The following DSC3 variants were observed in gnomAD, a reference collection of about 807,000 sequenced individuals.
The protein encoded by DSC3 is desmocollin 3, also known as desmocollin-3.
A neutral mutation model predicts 89.5 loss-of-function variants in DSC3; 97 were observed. The ratio of observed to expected loss-of-function variants is 1.08; its 90% CI spans 0.92 to 1.28. DSC3 has a LOEUF of 1.28. Among genes scored for constraint, DSC3 ranks in the 50% most tolerant of loss-of-function variants. The probability of loss-of-function intolerance (pLI) is 0.00; values close to 1 mark genes in which losing one functional copy is unlikely to be tolerated. For synonymous variants in DSC3, 436 were observed against 384.1 expected (o/e 1.14, Z -1.58); for missense variants, 1,199 against 1,085.3 (o/e 1.10, Z -1.47).
chr18:31,036,560 A>C (rs537697170), intron 1 of DSC3, among the ~76,000 whole-genome samples: 2 of 151,784 alleles, frequency 1.3e-5, no homozygotes, highest in Admixed American at 1.3e-4. Flanking sequence ...CCCATTGCTC[A>C]ATCTTTTTTT....
intron 14 of DSC3, among the ~76,000 whole-genome samples, chr18:30,999,833 A>C (rs1299843844): frequency 6.6e-6 from 1 of 152,176 alleles, no homozygotes; most frequent in Non-Finnish European, 1.5e-5. Flanking sequence ...ATTCAAGATG[A>C]AATTTTATGT....
chr18:31,011,966 C>A (rs77683013), intron 9 of DSC3, among the ~76,000 whole-genome samples: 2 of 72,178 alleles, frequency 2.8e-5, no homozygotes, highest in Non-Finnish European at 5.1e-5. Flanking sequence ...AGTACTCCAT[C>A]TCCAAAAAAA....
Position 31,004,381 on chromosome 18 carries a change from AAGAAG to A in DSC3, c.1889-20_1889-16del. ...GGCAGCTGTATCTGAAAGAAAATAA[AAGAAG>A]TTTATTTTTTAATGATCATTTATTC... On this transcript the variant is annotated splice_polypyrimidine_tract_variant and intron_variant, in intron 12 of 15. Transcript: ENST00000360428. The A allele has an allele frequency of 6.2e-7, 1 of 1,606,846 alleles. No individual in the cohort carries two copies. Among genetic ancestry groups the A allele is most frequent in the Non-Finnish European group, 8.5e-7 (1 of 1,174,394 alleles).
chr18:31,015,904 C>T (rs1485078976), intron 9 of DSC3, among the ~76,000 whole-genome samples: 3 of 152,138 alleles, frequency 2.0e-5, no homozygotes, highest in African/African-American at 7.2e-5. Context: ...AAAACAGAAT[C>T]TCATCGAAAC....
In DSC3 at chr18:31,008,436, T is replaced by G; in HGVS notation, c.1353A>C (p.Thr451=). The G allele has an allele frequency of 6.2e-7, 1 of 1,614,210 alleles. No homozygotes were observed. The highest frequency in any genetic ancestry group is 8.5e-7 in the Non-Finnish European group (1 of 1,180,028). ...APFARDIPRV[T]ALNRALVTVH... is the part of the protein sequence containing the mutation. The stretch of plus-strand genomic sequence containing the variant: ...CTGTAACCAAGGCTCTGTTCAAGGC[T>G]GTCACTCTGGGAATATCTCTAGCAA... Residue 451 remains threonine, a synonymous_variant, in exon 10 of 16, where the codon ACA becomes ACC. Transcript: ENST00000360428.
intron 8 of DSC3, 118 bp downstream of exon 8, chr18:31,018,548 C>A: frequency 8.7e-7 from 1 of 1,154,238 alleles, no homozygotes; most frequent in South Asian, 1.4e-5. Flanking sequence ...TAATTTTATT[C>A]ATAAAATACG....
At chr18:31,018,642 C>T (rs537594018) in intron 8 of DSC3, 24 bp downstream of exon 8, 1 of 1,609,374 alleles carries the variant, frequency 6.2e-7, no homozygotes, top group Non-Finnish European at 8.5e-7. Context: ...AAGACAGAGG[C>T]AGATTTTGAT....
At chr18:31,026,088 G>T (rs891275605) in intron 4 of DSC3, among the ~76,000 whole-genome samples, 173 bp from the exon 5 acceptor site, 1 of 152,084 alleles carries the variant, frequency 6.6e-6, no homozygotes, top group African/African-American at 2.4e-5. Context: ...ATTCTCACAG[G>T]AAGAAGGGAA....
At chr18:31,031,711 TG>T (rs1985797552) in intron 2 of DSC3, among the ~76,000 whole-genome samples, 1 of 152,202 alleles carries the variant, frequency 6.6e-6, no homozygotes, top group Non-Finnish European at 1.5e-5. Context: ...ATACTCTGTG[TG>T]TTCCAAGCTT....
At chr18:31,005,915 C>A (rs567387936) in intron 12 of DSC3, among the ~76,000 whole-genome samples, 1 of 151,878 alleles carries the variant, frequency 6.6e-6, no homozygotes, top group African/African-American at 2.4e-5. Context: ...AGGATCTGGA[C>A]GAGTGCTTAA....
intron 13 of DSC3, 73 bp downstream of exon 13, chr18:31,004,068 AT>A (rs1567950828): frequency 8.3e-7 from 1 of 1,207,134 alleles, no homozygotes; most frequent in Admixed American, 1.9e-5. Flanking sequence ...GGACGAGATT[AT>A]TTTTTAAACA....
At chr18:31,030,896 C>T in intron 3 of DSC3, 77 bp downstream of exon 3, 2 of 1,335,732 alleles carry the variant, frequency 1.5e-6, no homozygotes, top group East Asian at 2.4e-5. Context: ...CCTATTTATC[C>T]TTGTTTCTCT....
At chr18:31,008,217 T>C in intron 10 of DSC3, 52 bp downstream of exon 10, 1 of 1,610,318 alleles carries the variant, frequency 6.2e-7, no homozygotes, top group Non-Finnish European at 8.5e-7. Context: ...TAAGTTACTA[T>C]CTCAATGATT....
chr18:31,010,753 C>T (rs1985030304), intron 9 of DSC3, among the ~76,000 whole-genome samples: 1 of 152,122 alleles, frequency 6.6e-6, no homozygotes, highest in South Asian at 2.1e-4. Context: ...ATAATACTAT[C>T]CTCACTCAAG....
chr18:31,022,194 C>A, intron 7 of DSC3, 142 bp downstream of exon 7: 1 of 1,019,118 alleles, frequency 9.8e-7, no homozygotes, highest in Non-Finnish European at 1.4e-6. Flanking sequence ...ATATAAAAAA[C>A]AGAAAAAATT....
chr18:31,007,323 A>G (rs1413500554), intron 11 of DSC3, among the ~76,000 whole-genome samples, 192 bp from the exon 12 acceptor site: 1 of 152,226 alleles, frequency 6.6e-6, no homozygotes, highest in East Asian at 1.9e-4. Context: ...ATTGCTACTG[A>G]TAATATCAGA....
In DSC3 at chr18:31,025,318, T is replaced by C. The variant is rs116481294; in HGVS notation, c.630+442A>G. ...GGTCTCCCACTTTCACTTTCTTATG[T>C]AGTTCTCAGATGTGATCAAATAATC... On this transcript the variant is annotated intron_variant, in intron 5 of 15. Transcript: ENST00000360428. Among the ~76,000 whole-genome samples, 496 of 152,228 alleles carry C rather than the reference T, an allele frequency of 3.3e-3. 2 individuals are homozygous for C. The highest frequency in any genetic ancestry group is 0.011 in the African/African-American group (463 of 41,558).
intron 3 of DSC3, among the ~76,000 whole-genome samples, chr18:31,030,154 T>C (rs1419906328): frequency 1.3e-5 from 2 of 152,148 alleles, no homozygotes; most frequent in Non-Finnish European, 2.9e-5. Context: ...GCTCTATCCT[T>C]TGGTTGCACT....
chr18:31,040,609 C>T (rs1050631048), intron 1 of DSC3, among the ~76,000 whole-genome samples: 3 of 152,134 alleles, frequency 2.0e-5, no homozygotes, highest in African/African-American at 7.2e-5. Context: ...GGAAAATTCC[C>T]TCAACCTGTT....
Sources: allele counts gnomAD v4.1 joint callset (sites outside exome capture counted in the v4.1 genomes callset), GRCh38; gene constraint gnomAD v4.1.1; transcripts MANE v1.5; gene names NCBI Gene and HGNC (gene_info 2026-07-23, HGNC 2026-07-21).